Variants in CLIP1 observed in about 807,000 individuals in gnomAD.
The protein encoded by CLIP1 is CAP-Gly domain-containing linker protein 1.
Under a neutral mutation model 161.6 loss-of-function variants are expected in CLIP1, and 66 were observed. That is an observed-to-expected ratio of 0.41 (90% CI 0.33 to 0.50). The LOEUF is 0.50. Ranked by LOEUF, CLIP1 falls within the 20% of genes least tolerant of loss-of-function variation. The pLI is 0.27. For missense variants in CLIP1, 1,376 were observed against 1,702.0 expected (o/e 0.81, Z 3.37); for synonymous variants, 598 against 626.2 (o/e 0.96, Z 0.67).
chr12:122,400,512 T>C (rs1251618076), intron 1 of CLIP1: 1 of 149,438 alleles, frequency 6.7e-6, no homozygotes, highest in Non-Finnish European at 1.5e-5. Context: ...ACAGAAGGGC[T>C]TTGGGGGCAC....
intron 9 of CLIP1, among the ~76,000 whole-genome samples, chr12:122,349,487 G>A (rs1405143840): frequency 6.6e-6 from 1 of 152,160 alleles, no homozygotes; most frequent in Non-Finnish European, 1.5e-5. Context: ...TAGAGACTGG[G>A]TTTCACCATG....
At chr12:122,289,600 ATATTCAAGCAT>A (rs1339969404) in intron 20 of CLIP1, among the ~76,000 whole-genome samples, 1 of 152,198 alleles carries the variant, frequency 6.6e-6, no homozygotes, top group Non-Finnish European at 1.5e-5. Context: ...AATGGTTAGT[ATATTCAAGCAT>A]TATTCAAGCA....
intron 1 of CLIP1, among the ~76,000 whole-genome samples, chr12:122,383,953 T>G (rs143349469): frequency 3.0e-4 from 46 of 152,268 alleles, no homozygotes; most frequent in African/African-American, 1.1e-3. Flanking sequence ...CAAACTACCC[T>G]TCTCCCCCAC....
intron 11 of CLIP1, among the ~76,000 whole-genome samples, chr12:122,337,678 C>T (rs569359432): frequency 3.4e-4 from 51 of 152,114 alleles, no homozygotes; most frequent in African/African-American, 1.2e-3. Flanking sequence ...GGTGTGGATG[C>T]TTACTTTCTA....
chr12:122,312,491 T>G (rs895327995), intron 19 of CLIP1, among the ~76,000 whole-genome samples: 1 of 152,146 alleles, frequency 6.6e-6, no homozygotes, highest in Non-Finnish European at 1.5e-5. Context: ...TGGCTGAGCG[T>G]AGTGGCTCAA....
At chr12:122,288,108 C>T (rs1223467909) in intron 21 of CLIP1, among the ~76,000 whole-genome samples, 1 of 152,020 alleles carries the variant, frequency 6.6e-6, no homozygotes, top group Non-Finnish European at 1.5e-5. Flanking sequence ...TCTCGGCTCA[C>T]TGCAACCTCC....
intron 14 of CLIP1, among the ~76,000 whole-genome samples, chr12:122,333,504 A>G (rs1008905117): frequency 7.9e-5 from 12 of 152,166 alleles, no homozygotes; most frequent in African/African-American, 2.9e-4. Context: ...TGAGCACCAC[A>G]AGGAGGCTGA....
At chr12:122,289,195 G>A (rs114394197) in intron 20 of CLIP1, among the ~76,000 whole-genome samples, 15,243 of 151,738 alleles carry the variant, frequency 0.1, 2,474 homozygotes, top group African/African-American at 0.35. Flanking sequence ...ACTTTGGTGG[G>A]GCAAGATGGG....
chr12:122,361,780 G>A (rs1593164031), intron 4 of CLIP1, among the ~76,000 whole-genome samples: 1 of 152,222 alleles, frequency 6.6e-6, no homozygotes, highest in East Asian at 1.9e-4. Flanking sequence ...GAAGTAACCC[G>A]AGATTGCACC....
intron 1 of CLIP1, among the ~76,000 whole-genome samples, chr12:122,388,493 A>G (rs1955430887): frequency 6.6e-6 from 1 of 152,210 alleles, no homozygotes; most frequent in Non-Finnish European, 1.5e-5. Context: ...TGCTGGGATT[A>G]CAGGCGTGAG....
intron 24 of CLIP1, 79 bp from the exon 25 acceptor site, chr12:122,274,241 C>A: frequency 7.8e-7 from 1 of 1,281,018 alleles, no homozygotes; most frequent in Non-Finnish European, 1.1e-6. Flanking sequence ...GAAGTTTATA[C>A]CTTTAAGCTC....
chr12:122,309,190 G>A (rs1950979065), intron 20 of CLIP1, among the ~76,000 whole-genome samples: 1 of 152,168 alleles, frequency 6.6e-6, no homozygotes, highest in Non-Finnish European at 1.5e-5. Context: ...GAAGTAAATA[G>A]GTTGTGGTTT....
At chr12:122,376,460 A>C (rs903994661) in intron 3 of CLIP1, among the ~76,000 whole-genome samples, 4 of 152,004 alleles carry the variant, frequency 2.6e-5, no homozygotes, top group African/African-American at 9.7e-5. Context: ...ATATAATATT[A>C]AGAAAAAAAA....
At chr12:122,364,676 A>T (rs951232930) in intron 3 of CLIP1, 4 of 454,298 alleles carry the variant, frequency 8.8e-6, no homozygotes, top group Non-Finnish European at 1.7e-5. Context: ...AAGTGTTGGG[A>T]TTACAGGCGT....
chr12:122,361,681 T>C (rs1328824938), intron 4 of CLIP1, among the ~76,000 whole-genome samples: 1 of 152,000 alleles, frequency 6.6e-6, no homozygotes, highest in Non-Finnish European at 1.5e-5. Flanking sequence ...GCCAGGGCAA[T>C]ATGGACAGAC....
chr12:122,416,418 C>G (rs1956757947), intron 1 of CLIP1, among the ~76,000 whole-genome samples: 1 of 152,094 alleles, frequency 6.6e-6, no homozygotes, highest in Non-Finnish European at 1.5e-5. Flanking sequence ...TAGGGAAATT[C>G]TTTGAGCCTC....
intron 17 of CLIP1, among the ~76,000 whole-genome samples, chr12:122,325,054 A>ATT (rs11330696): frequency 5.7e-5 from 7 of 123,612 alleles, no homozygotes; most frequent in South Asian, 2.5e-4. Flanking sequence ...CAATGATATA[A>ATT]TTTTTTTTTT....
Position 122,330,185 on chromosome 12 carries a change from A to C in CLIP1, c.2868-1759T>G, listed in dbSNP as rs553259400. Among the ~76,000 whole-genome samples, 35 of 152,272 alleles carry C rather than the reference A, an allele frequency of 2.3e-4. No individual in the cohort carries two copies. In the South Asian group the frequency reaches 7.3e-3, roughly 32 times the overall value. ...AAACAGACTATTAGATGAATCACAG[A>C]TGCAAGAGGGAAACTTGGGGGGCAC... On this transcript the variant is annotated intron_variant, in intron 15 of 25. Coordinates refer to ENST00000620786, the MANE Select transcript of CLIP1 (RefSeq NM_001247997.2).
At chr12:122,414,987 G>A (rs1956681859) in intron 1 of CLIP1, among the ~76,000 whole-genome samples, 1 of 151,972 alleles carries the variant, frequency 6.6e-6, no homozygotes, top group Admixed American at 6.6e-5. Context: ...GAACCCAGGA[G>A]GTGGAGGCTG....
Sources: gnomAD v4.1 joint callset for allele counts (sites outside exome capture counted in the v4.1 genomes callset) on GRCh38, gnomAD v4.1.1 for gene constraint, MANE v1.5 for transcripts, NCBI Gene and HGNC (gene_info 2026-07-23, HGNC 2026-07-21) for gene names.